The following ARMC1 variants were observed in gnomAD, a reference collection of about 807,000 sequenced individuals.
ARMC1 encodes armadillo repeat containing 1.
A neutral mutation model predicts 31.4 loss-of-function variants in ARMC1; 16 were observed. The ratio of observed to expected loss-of-function variants is 0.51; its 90% confidence interval spans 0.34 to 0.77. The LOEUF (loss-of-function observed/expected upper bound fraction) is 0.77, where lower values mean the gene tolerates loss of function less well. Ranked by LOEUF, ARMC1 falls within the 30% of genes least tolerant of loss-of-function variation. The probability of loss-of-function intolerance (pLI) is 0.01; values close to 1 mark genes in which losing one functional copy is unlikely to be tolerated. For missense variants in ARMC1, 259 were observed against 347.5 expected (o/e 0.75, Z 2.02); for synonymous variants, 114 against 118.9 (o/e 0.96, Z 0.27).
intron 4 of ARMC1, among the ~76,000 whole-genome samples, chr8:65,612,785 C>G (rs1310321655): frequency 6.6e-6 from 1 of 152,018 alleles, no homozygotes; most frequent in African/African-American, 2.4e-5. Context: ...ACACCTGAAC[C>G]CAGGAGGCGG....
intron 3 of ARMC1, among the ~76,000 whole-genome samples, chr8:65,614,127 A>G (rs921681169): frequency 6.6e-6 from 1 of 152,238 alleles, no homozygotes; most frequent in African/African-American, 2.4e-5. Context: ...GGAGAAACCA[A>G]ATTTGAAAAG....
chr8:65,623,884 A>C (rs1325789912), intron 2 of ARMC1, among the ~76,000 whole-genome samples: 1 of 120,416 alleles, frequency 8.3e-6, no homozygotes, highest in Non-Finnish European at 1.6e-5. Flanking sequence ...TGCAACCTCC[A>C]CCCCCCGAGT....
chr8:65,627,233 C>A lies in ARMC1; in HGVS notation c.166G>T (p.Val56Phe). The A allele has an allele frequency of 6.3e-7, 1 of 1,579,468 alleles. No individual in the cohort carries two copies. The highest frequency in any genetic ancestry group is 8.6e-7 in the Non-Finnish European group (1 of 1,160,494). Residue 56 changes from valine (V) to phenylalanine (F), a missense_variant, in exon 2 of 7, where the codon GTC becomes TTC. Physicochemically the swap from Val to Phe is conservative, Grantham distance 50. Coordinates refer to ENST00000276569, the MANE Select transcript of ARMC1 (RefSeq NM_018120.6). ...LFMDHPNPPV[V>F]HSALLALRYL... is the part of the protein sequence containing the mutation. ...CAACTTACAAGCAAAGCGGAGTGGA[C>A]GACTGGAGGGTTGGGATGGTCCATA...
In ARMC1 at chr8:65,627,304, CT is replaced by C. The variant is rs1808531892; in HGVS notation, c.94del (p.Arg32GlufsTer45). 6.2e-7 allele frequency: 1 copy of C among 1,613,374 alleles called. No individual in the cohort carries two copies. On this transcript the variant is annotated frameshift_variant, in exon 2 of 7. Transcript: ENST00000276569. LOFTEE classifies it high-confidence loss of function. ...ACATCCCTGATCCTGGACGATGGCT[CT>C]TCTGTTTAACGGATCTGCTGCTAGA... ...RDLAADPLNR[R>X]AIVQDQGCLP...
chr8:65,616,104 ATCTT>A (rs919184929), intron 3 of ARMC1, among the ~76,000 whole-genome samples: 23 of 152,056 alleles, frequency 1.5e-4, no homozygotes, highest in Non-Finnish European at 3.1e-4. Flanking sequence ...AACATAAATT[ATCTT>A]TCTGTTTTGC....
chr8:65,629,280 C>T (rs892486114), intron 1 of ARMC1, among the ~76,000 whole-genome samples: 4 of 151,938 alleles, frequency 2.6e-5, no homozygotes, highest in Non-Finnish European at 4.4e-5. Flanking sequence ...AACTGGAGAA[C>T]ATTGTGCTAA....
At chr8:65,619,293 T>G (rs1333437458) in intron 3 of ARMC1, among the ~76,000 whole-genome samples, 1 of 151,662 alleles carries the variant, frequency 6.6e-6, no homozygotes, top group African/African-American at 2.4e-5. Context: ...CCAGCACTTA[T>G]AGAGAGGCCG....
chr8:65,626,137 C>T lies in ARMC1; in HGVS notation c.183+1079G>A, dbSNP rs150460580. Among the ~76,000 whole-genome samples, 244 of 152,240 alleles carry T rather than the reference C, an allele frequency of 1.6e-3. No individual in the cohort carries two copies. The Middle Eastern group carries it at 0.017, about 11-fold the overall frequency. On this transcript the variant is annotated intron_variant, in intron 2 of 6. Transcript: ENST00000276569. ...AACTCCTGACCTCAGGTGATCCACC[C>T]ACCTCGGCCTCCCAAAGTGCTAGGA... is the stretch of plus-strand genomic sequence containing the variant.
intron 3 of ARMC1, among the ~76,000 whole-genome samples, chr8:65,621,127 CAG>C (rs1808385559): frequency 6.6e-6 from 1 of 152,036 alleles, no homozygotes; most frequent in African/African-American, 2.4e-5. Flanking sequence ...CAAAAAAACC[CAG>C]AGTTATTATT....
At chr8:65,604,673 CT>C in intron 6 of ARMC1, 88 bp from the exon 7 acceptor site, 2 of 1,210,552 alleles carry the variant, frequency 1.7e-6, no homozygotes, top group Non-Finnish European at 2.3e-6. Context: ...AAATTTTCCT[CT>C]TACATGACAG....
chr8:65,606,953 ACT>A (rs1282704123), intron 4 of ARMC1, among the ~76,000 whole-genome samples: 3 of 151,866 alleles, frequency 2.0e-5, no homozygotes, highest in Non-Finnish European at 2.9e-5. Context: ...ACCAAATCAC[ACT>A]CTCTACATTT....
In ARMC1 at chr8:65,634,142, A is replaced by T. The variant is rs912466724; in HGVS notation, c.-180T>A. ...CGCAAGCAACCGGACTAACTCAGGG[A>T]GCCAAAGAGCGAAGGCGCTGGCGGG... On this transcript the variant is annotated 5_prime_UTR_variant, in exon 1 of 7. Transcript: ENST00000276569. The T allele has an allele frequency of 4.6e-5, 7 of 152,474 alleles. No individual in the cohort carries two copies. The highest frequency in any genetic ancestry group is 1.7e-4 in the African/African-American group (7 of 41,594). The allele number at this position is 152,474 out of a possible 1,614,324, so 9.4% of individuals were successfully genotyped here.
chr8:65,615,952 GT>G (rs1808242091), intron 3 of ARMC1, among the ~76,000 whole-genome samples: 1 of 151,896 alleles, frequency 6.6e-6, no homozygotes, highest in Non-Finnish European at 1.5e-5. Flanking sequence ...ATTGTCAATA[GT>G]TTTGCATCAA....
chr8:65,623,786 C>CTTTTTTTTTTTTTTTTT (rs201008780), intron 2 of ARMC1, among the ~76,000 whole-genome samples: 5 of 26,086 alleles, frequency 1.9e-4, no homozygotes, highest in South Asian at 2.1e-3. Flanking sequence ...AAAGTAAAAT[C>CTTTTTTTTTTTTTTTTT]TTTTTTTTTT....
intron 3 of ARMC1, among the ~76,000 whole-genome samples, chr8:65,616,204 T>C (rs1485751591): frequency 2.0e-5 from 3 of 152,228 alleles, no homozygotes; most frequent in Non-Finnish European, 4.4e-5. Flanking sequence ...ACTGTACTGC[T>C]GCCATCTCGG....
intron 1 of ARMC1, among the ~76,000 whole-genome samples, chr8:65,628,121 T>G (rs1253693220): frequency 6.6e-6 from 1 of 152,168 alleles, no homozygotes; most frequent in Non-Finnish European, 1.5e-5. Context: ...GAGGAGCTAG[T>G]CATAGAGAGG....
chr8:65,622,715 G>GGA (rs552531255), intron 2 of ARMC1, among the ~76,000 whole-genome samples: 30 of 148,510 alleles, frequency 2.0e-4, no homozygotes, highest in Non-Finnish European at 4.3e-4. Context: ...TGCCTCAAAA[G>GGA]AAAAAAAAAA....
chr8:65,609,131 CTCT>C (rs1808067672), intron 4 of ARMC1, among the ~76,000 whole-genome samples: 2 of 126,046 alleles, frequency 1.6e-5, no homozygotes, highest in Non-Finnish European at 3.4e-5. Context: ...TTGGTTTCTG[CTCT>C]TTTTTTTTTT....
intron 4 of ARMC1, among the ~76,000 whole-genome samples, chr8:65,610,329 C>T (rs1301449651): frequency 3.3e-5 from 5 of 151,604 alleles, no homozygotes; most frequent in African/African-American, 7.3e-5. Flanking sequence ...GAACTCCTGA[C>T]CTTGTGATCC....
Sources: allele counts gnomAD v4.1 joint callset (sites outside exome capture counted in the v4.1 genomes callset), GRCh38; gene constraint gnomAD v4.1.1; transcripts MANE v1.5; gene names NCBI Gene and HGNC (gene_info 2026-07-23, HGNC 2026-07-21).